Variants in SPAST observed in about 807,000 individuals in gnomAD.
SPAST encodes spastin.
SPAST carries 30 observed loss-of-function variants against 76.6 expected under a neutral mutation model. That is an observed-to-expected ratio of 0.39 (90% CI 0.29 to 0.53). The LOEUF is 0.53. Among genes scored for constraint, SPAST ranks in the 20% least tolerant of loss-of-function variants. The pLI is 0.68. For synonymous variants in SPAST, 305 were observed against 281.0 expected, an observed-to-expected ratio of 1.09 and a Z score of -0.86; for missense variants, 717 against 770.5, an observed-to-expected ratio of 0.93 and a Z score of 0.82.
At chr2:32,146,325 A>G (rs944718642) in intron 15 of SPAST, among the ~76,000 whole-genome samples, 1 of 152,182 alleles carries the variant, frequency 6.6e-6, no homozygotes, top group Admixed American at 6.6e-5. Context: ...TTGGGAGGCC[A>G]AGGTGGGAGG....
intron 3 of SPAST, among the ~76,000 whole-genome samples, chr2:32,096,486 T>A (rs981270669): frequency 6.6e-6 from 1 of 152,134 alleles, no homozygotes; most frequent in Non-Finnish European, 1.5e-5. Context: ...TTTACTGTTA[T>A]ACTGTATGTG....
chr2:32,086,507 A>G (rs1358205601), intron 1 of SPAST, among the ~76,000 whole-genome samples: 1 of 151,584 alleles, frequency 6.6e-6, no homozygotes, highest in Non-Finnish European at 1.5e-5. Context: ...TCACCTCTGT[A>G]ATCTGAGCAC....
chr2:32,083,301 C>T (rs1455197681), intron 1 of SPAST, among the ~76,000 whole-genome samples: 1 of 151,922 alleles, frequency 6.6e-6, no homozygotes, highest in Non-Finnish European at 1.5e-5. Context: ...AATTCATGTA[C>T]AGGTCTTAGA....
Position 32,075,547 on chromosome 2 carries a change from C to CTTTTTTTTTT in SPAST, c.415+11312_415+11321dup, listed in dbSNP as rs773998404. 6.5e-3 allele frequency among the ~76,000 whole-genome samples: 556 copies of CTTTTTTTTTT among 85,468 alleles called. 7 individuals carry two copies. Among genetic ancestry groups the CTTTTTTTTTT allele is most frequent in the East Asian group, 0.011 (27 of 2,502 alleles). 56.1% of individuals were successfully genotyped at this position (85,468 alleles called of 152,430 possible). On this transcript the variant is annotated intron_variant, in intron 1 of 16. Coordinates refer to ENST00000315285, the MANE Select transcript of SPAST (RefSeq NM_014946.4). Reference sequence around the variant, plus strand: ...CCTCATTTAGTGTCATGGCTTTTTTCTTTTTTTTTTTTTTTTTTTTGAGAC... The same window carrying CTTTTTTTTTT: ...CCTCATTTAGTGTCATGGCTTTTTTCTTTTTTTTTTTTTTTTTTTTTTTTTTTTTTGAGAC...
At chr2:32,134,853 G>A (rs989213787) in intron 9 of SPAST, among the ~76,000 whole-genome samples, 33 of 151,300 alleles carry the variant, frequency 2.2e-4, no homozygotes, top group African/African-American at 7.0e-4. Context: ...GCGCCACCAC[G>A]CCCGGCTAAT....
At chr2:32,144,792 G>A in intron 14 of SPAST, 145 bp from the exon 15 acceptor site, 1 of 663,658 alleles carries the variant, frequency 1.5e-6, no homozygotes. Context: ...GAGAGGCTGA[G>A]GTAGGAGAAT....
intron 1 of SPAST, among the ~76,000 whole-genome samples, chr2:32,086,578 A>G (rs1677485819): frequency 6.6e-6 from 1 of 151,936 alleles, no homozygotes; most frequent in Admixed American, 6.6e-5. Context: ...AACATGGTGA[A>G]AACCCCGTCT....
rs1218904926 is a variant in SPAST, at chr2:32,064,065, C to G, written c.234C>G (p.Leu78=). Residue 78 remains leucine, a synonymous_variant, in exon 1 of 17, where the codon CTC becomes CTG. Transcript: ENST00000315285. ...ACCTGGGGCTCCTCTTCGTGTGGCT[C>G]TGCCAGCGCTTCTCCCGCGCCCTCA... is the stretch of plus-strand genomic sequence containing the variant. ...AFHLGLLFVW[L]CQRFSRALMA... 6.2e-7 allele frequency: 1 copy of G among 1,612,982 alleles called. No homozygotes were observed. The highest frequency in any genetic ancestry group is 1.1e-5 in the South Asian group (1 of 90,958).
At chr2:32,070,477 T>C (rs1450444802) in intron 1 of SPAST, among the ~76,000 whole-genome samples, 3 of 152,222 alleles carry the variant, frequency 2.0e-5, no homozygotes, top group Non-Finnish European at 2.9e-5. Context: ...TGAGAGGATA[T>C]GTGAAGTCTA....
intron 1 of SPAST, among the ~76,000 whole-genome samples, chr2:32,076,674 A>C (rs1387028126): frequency 6.6e-6 from 1 of 152,090 alleles, no homozygotes; most frequent in East Asian, 1.9e-4. Flanking sequence ...ACACCATGAA[A>C]GTCTACCAGG....
At chr2:32,069,850 C>T (rs1676677850) in intron 1 of SPAST, among the ~76,000 whole-genome samples, 1 of 151,988 alleles carries the variant, frequency 6.6e-6, no homozygotes, top group African/African-American at 2.4e-5. Flanking sequence ...TGAGCCACTG[C>T]GCCTGGCCTA....
chr2:32,110,846 A>AT (rs1678559985), intron 4 of SPAST, among the ~76,000 whole-genome samples: 1 of 111,992 alleles, frequency 8.9e-6, no homozygotes, highest in South Asian at 3.0e-4. Flanking sequence ...TATACTATAT[A>AT]GTATATAGAG....
intron 4 of SPAST, among the ~76,000 whole-genome samples, chr2:32,101,268 A>T (rs1678111078): frequency 6.6e-6 from 1 of 152,168 alleles, no homozygotes; most frequent in African/African-American, 2.4e-5. Flanking sequence ...TCTTTTGAGA[A>T]GCATCTGTTC....
intron 16 of SPAST, among the ~76,000 whole-genome samples, chr2:32,149,256 A>AT (rs59020104): frequency 2.4e-5 from 3 of 123,580 alleles, no homozygotes; most frequent in African/African-American, 9.1e-5. Context: ...CGCCCAGCTA[A>AT]TTTTTTTTTT....
intron 13 of SPAST, 28 bp from the exon 14 acceptor site, chr2:32,143,308 T>A (rs367807693): frequency 6.3e-6 from 8 of 1,264,692 alleles, no homozygotes; most frequent in Non-Finnish European, 9.2e-6. Context: ...GAAATTAGAC[T>A]GAATGATCAT....
intron 3 of SPAST, among the ~76,000 whole-genome samples, chr2:32,097,725 G>A (rs1482928355): frequency 7.6e-6 from 1 of 131,252 alleles, no homozygotes; most frequent in Non-Finnish European, 1.5e-5. Context: ...ACAGAGTCTC[G>A]CTCTGTCACC....
chr2:32,137,676 ATCCAAATTGATTTT>A (rs1429434638), intron 12 of SPAST, among the ~76,000 whole-genome samples: 2 of 152,166 alleles, frequency 1.3e-5, no homozygotes, highest in African/African-American at 2.4e-5. Flanking sequence ...AAAAGTCTGA[ATCCAAATTGATTTT>A]TTCAAATTTG....
intron 4 of SPAST, among the ~76,000 whole-genome samples, chr2:32,105,218 A>G (rs1359477287): frequency 6.6e-6 from 1 of 152,028 alleles, no homozygotes; most frequent in East Asian, 1.9e-4. Context: ...TCAATCACTG[A>G]TACCCTTTCT....
intron 4 of SPAST, among the ~76,000 whole-genome samples, chr2:32,105,517 T>G (rs576325922): frequency 6.6e-5 from 10 of 152,322 alleles, no homozygotes; most frequent in African/African-American, 2.4e-4. Context: ...GCTGTGTTCC[T>G]TTGGAGGAGA....
Sources: allele counts gnomAD v4.1 joint callset (sites outside exome capture counted in the v4.1 genomes callset), GRCh38; gene constraint gnomAD v4.1.1; transcripts MANE v1.5; gene names NCBI Gene and HGNC (gene_info 2026-07-23, HGNC 2026-07-21).